The following CLNK variants were observed in gnomAD, a reference collection of about 807,000 sequenced individuals.
The protein encoded by CLNK is cytokine-dependent hematopoietic cell linker.
A neutral mutation model predicts 68.6 loss-of-function variants in CLNK; 74 were observed. That is an observed-to-expected ratio of 1.08 (90% CI 0.89 to 1.31). CLNK has a LOEUF of 1.31. CLNK is among the 50% of genes most tolerant of loss of function. The pLI, the probability that CLNK is intolerant of heterozygous loss-of-function variation, is 0.00. For missense variants in CLNK, 553 were observed against 515.3 expected (o/e 1.07, Z -0.71); for synonymous variants, 198 against 172.2 (o/e 1.15, Z -1.17).
At chr4:10,623,591 G>A (rs965414233) in intron 2 of CLNK, among the ~76,000 whole-genome samples, 1 of 152,158 alleles carries the variant, frequency 6.6e-6, no homozygotes, top group African/African-American at 2.4e-5. Flanking sequence ...ATAATTGAGA[G>A]GATTTAATAA....
the CLNK span, among the ~76,000 whole-genome samples, chr4:10,711,882 T>G: frequency 1.3e-5 from 2 of 152,194 alleles, no homozygotes; most frequent in Non-Finnish European, 2.9e-5. Flanking sequence ...GGTTTGAAGT[T>G]GGGAGAAATT....
chr4:10,733,329 T>TC, the CLNK span, among the ~76,000 whole-genome samples: 2 of 151,188 alleles, frequency 1.3e-5, no homozygotes, highest in Non-Finnish European at 3.0e-5. Context: ...CAGCCCACCT[T>TC]CCCCCCTTCA....
chr4:10,577,248 G>T (rs776849380), intron 4 of CLNK, among the ~76,000 whole-genome samples: 18 of 152,206 alleles, frequency 1.2e-4, no homozygotes, highest in Non-Finnish European at 2.4e-4. Context: ...AGACTCAGGG[G>T]AGTGGAGAAG....
the CLNK span, among the ~76,000 whole-genome samples, chr4:10,711,142 C>T: frequency 6.6e-6 from 1 of 152,172 alleles, no homozygotes; most frequent in African/African-American, 2.4e-5. Context: ...GCATACTCCT[C>T]TGTCTCTAAA....
intron 14 of CLNK, among the ~76,000 whole-genome samples, chr4:10,524,530 AT>A (rs1718221555): frequency 6.6e-6 from 1 of 152,156 alleles, no homozygotes; most frequent in Admixed American, 6.5e-5. Flanking sequence ...GTAAATAATT[AT>A]TGAATCAATT....
At chr4:10,520,527 A>T (rs963146028) in intron 15 of CLNK, among the ~76,000 whole-genome samples, 4 of 152,248 alleles carry the variant, frequency 2.6e-5, no homozygotes, top group African/African-American at 9.6e-5. Flanking sequence ...AAGGGAAATG[A>T]TCACATTTTA....
At chr4:10,579,268 A>G (rs1020767223) in intron 4 of CLNK, among the ~76,000 whole-genome samples, 6 of 152,210 alleles carry the variant, frequency 3.9e-5, no homozygotes, top group Admixed American at 2.6e-4. Context: ...TCTGTGGGGA[A>G]AGGGAGAAAT....
chr4:10,589,469 G>A (rs754156541), intron 3 of CLNK, among the ~76,000 whole-genome samples: 22 of 152,150 alleles, frequency 1.4e-4, no homozygotes, highest in Non-Finnish European at 2.2e-4. Context: ...CACATCCTCC[G>A]GGATTATGCA....
At chr4:10,667,811 C>G in intron 2 of CLNK, 48 bp downstream of exon 2, 1 of 1,539,344 alleles carries the variant, frequency 6.5e-7, no homozygotes, top group South Asian at 1.2e-5. Context: ...CCTCCTGTCC[C>G]CACCAAGAAA....
chr4:10,699,480 C>CTCTCTCTCTCTCTCTT, the CLNK span, among the ~76,000 whole-genome samples: 3 of 72,722 alleles, frequency 4.1e-5, no homozygotes, highest in Admixed American at 1.5e-4. Flanking sequence ...CTCTCTCTCT[C>CTCTCTCTCTCTCTCTT]TCTCTCTCTC....
chr4:10,670,404 G>T (rs546789507), intron 1 of CLNK, among the ~76,000 whole-genome samples: 1 of 152,374 alleles, frequency 6.6e-6, no homozygotes, highest in South Asian at 2.1e-4. Flanking sequence ...GCATTAAGTA[G>T]CATCGAAATG....
chr4:10,535,736 G>C (rs532918928), intron 11 of CLNK, among the ~76,000 whole-genome samples: 20 of 152,150 alleles, frequency 1.3e-4, no homozygotes, highest in African/African-American at 4.6e-4. Flanking sequence ...TTTTATCAGA[G>C]GTAAAATTCC....
the CLNK span, among the ~76,000 whole-genome samples, chr4:10,712,417 G>C: frequency 1.3e-5 from 2 of 152,184 alleles, no homozygotes; most frequent in African/African-American, 4.8e-5. Context: ...AACCTCATTA[G>C]CTAACCACCC....
intron 2 of CLNK, among the ~76,000 whole-genome samples, chr4:10,610,345 GT>G (rs745903587): frequency 1.4e-3 from 201 of 142,088 alleles, no homozygotes; most frequent in African/African-American, 4.2e-3. Flanking sequence ...CGCCCGGCCC[GT>G]TTTTTTTTTT....
At chr4:10,546,416 C>G (rs1719234486) in intron 8 of CLNK, among the ~76,000 whole-genome samples, 1 of 152,172 alleles carries the variant, frequency 6.6e-6, no homozygotes, top group Non-Finnish European at 1.5e-5. Flanking sequence ...ACAATTCATT[C>G]AAGTTCTTTG....
At chr4:10,691,530 C>T in the CLNK span, among the ~76,000 whole-genome samples, 1 of 152,072 alleles carries the variant, frequency 6.6e-6, no homozygotes, top group East Asian at 1.9e-4. Flanking sequence ...TAAATGGCAT[C>T]CATTGCTAGC....
At chr4:10,687,620 A>G (rs1404882721), upstream of CLNK, among the ~76,000 whole-genome samples, 1 of 152,190 alleles carries the variant, frequency 6.6e-6, no homozygotes, top group East Asian at 1.9e-4. Flanking sequence ...CTGGGTGGGA[A>G]AAACAGCATA....
intron 5 of CLNK, among the ~76,000 whole-genome samples, chr4:10,568,885 C>T (rs1720229430): frequency 6.6e-6 from 1 of 152,208 alleles, no homozygotes; most frequent in South Asian, 2.1e-4. Flanking sequence ...GCTGCCAAAT[C>T]TGTGGGGATG....
In CLNK at chr4:10,521,494, T is replaced by C. The variant is rs181503236; in HGVS notation, c.732-663A>G. 2.5e-4 allele frequency among the ~76,000 whole-genome samples: 38 copies of C among 152,358 alleles called. No homozygotes were observed. The Middle Eastern group carries it at 0.02, about 82-fold the overall frequency. The stretch of plus-strand genomic sequence containing the variant: ...TATCATCAACATAAGCTCCAGGTGC[T>C]ACCACAGTTAAATCTAATTACATGA... On this transcript the variant is annotated intron_variant, in intron 14 of 18. Coordinates refer to ENST00000226951, the MANE Select transcript of CLNK (RefSeq NM_052964.4).
Sources: gnomAD v4.1 joint callset for allele counts (sites outside exome capture counted in the v4.1 genomes callset) on GRCh38, gnomAD v4.1.1 for gene constraint, MANE v1.5 for transcripts, NCBI Gene and HGNC (gene_info 2026-07-23, HGNC 2026-07-21) for gene names.